Variants in XKR3 observed in about 807,000 individuals in gnomAD.
XKR3 encodes XK related 3.
XKR3 carries 27 observed loss-of-function variants against 40.3 expected under a neutral mutation model. The observed-to-expected ratio is 0.67, with a 90% confidence interval of 0.49 to 0.92. The LOEUF (loss-of-function observed/expected upper bound fraction) is 0.92. XKR3 is among the 40% of genes least tolerant of loss of function. The pLI is 0.00. For missense variants in XKR3, 472 were observed against 537.6 expected, an observed-to-expected ratio of 0.88 and a Z score of 1.21; for synonymous variants, 193 against 195.4, an observed-to-expected ratio of 0.99 and a Z score of 0.10.
intron 3 of XKR3, among the ~76,000 whole-genome samples, chr22:16,795,691 G>T (rs1394337204): frequency 6.6e-6 from 1 of 152,180 alleles, no homozygotes; most frequent in South Asian, 2.1e-4. Context: ...AAAAGGCTGC[G>T]TATGATGACT....
chr22:16,798,693 C>A (rs2060153273), intron 3 of XKR3, among the ~76,000 whole-genome samples: 2 of 152,264 alleles, frequency 1.3e-5, no homozygotes, highest in Admixed American at 6.5e-5. Flanking sequence ...ATAAATAAAT[C>A]ATGTCGTTTG....
At chr22:16,789,691 G>A (rs1436120689) in intron 3 of XKR3, among the ~76,000 whole-genome samples, 7 of 151,996 alleles carry the variant, frequency 4.6e-5, no homozygotes, top group South Asian at 2.1e-4. Context: ...ATATGAAACC[G>A]CAGAAAAAAA....
intron 3 of XKR3, among the ~76,000 whole-genome samples, chr22:16,798,938 A>C (rs1451300824): frequency 6.6e-6 from 1 of 152,212 alleles, no homozygotes; most frequent in African/African-American, 2.4e-5. Context: ...TCCATACTCC[A>C]AACCTCAGTA....
intron 3 of XKR3, among the ~76,000 whole-genome samples, chr22:16,798,703 G>C (rs1029944587): frequency 3.3e-5 from 5 of 152,158 alleles, no homozygotes; most frequent in Non-Finnish European, 5.9e-5. Context: ...CATGTCGTTT[G>C]CATCAACATA....
intron 3 of XKR3, among the ~76,000 whole-genome samples, chr22:16,791,778 G>GGAGAGAGAGAGAGAGA (rs763159994): frequency 1.6e-5 from 2 of 123,182 alleles, no homozygotes; most frequent in African/African-American, 3.1e-5. Flanking sequence ...GGAGAGAGAG[G>GGAGAGAGAGAGAGAGA]GAGAGAGAGA....
intron 2 of XKR3, among the ~76,000 whole-genome samples, chr22:16,802,368 CA>C (rs769008415): frequency 4.0e-5 from 6 of 151,318 alleles, no homozygotes; most frequent in Non-Finnish European, 7.4e-5. Flanking sequence ...GTCTTAGCTT[CA>C]AAAAGGAAAA....
Position 16,784,200 on chromosome 22 carries a change from C to A in XKR3, c.799G>T (p.Val267Phe). The A allele has an allele frequency of 6.2e-7, 1 of 1,614,164 alleles. No homozygotes were observed. Among genetic ancestry groups the A allele is most frequent in the Non-Finnish European group, 8.5e-7 (1 of 1,180,020 alleles). Residue 267 changes from valine to phenylalanine, a missense_variant, in exon 4 of 4, where the codon GTT (valine) becomes TTT (phenylalanine). Physicochemically the swap from Val to Phe is conservative, Grantham distance 50 (BLOSUM62 -1). Transcript: ENST00000684488. ...IASLKLKSLPVLLIIYFVSLL... is the reference protein window; with the variant it reads ...IASLKLKSLPFLLIIYFVSLL... Reference sequence around the variant, plus strand: ...GATACAAAATATATGATTAACAAAACGGGTAGGCTCTTCAGTTTCAGAGAT... The same window carrying A: ...GATACAAAATATATGATTAACAAAAAGGGTAGGCTCTTCAGTTTCAGAGAT...
Position 16,807,871 on chromosome 22 carries a change from G to T in XKR3, c.203C>A (p.Ser68Ter). ...YRKANDTFWM[S>*]FTISFIIVGA... Reference sequence around the variant, plus strand: ...CACAATAATAAAGCTGATGGTAAATGACATCCAGAATGTGTCATTAGCTTT... The same window carrying T: ...CACAATAATAAAGCTGATGGTAAATTACATCCAGAATGTGTCATTAGCTTT... Residue 68 changes from serine to a stop codon, truncating the protein, a stop_gained, in exon 2 of 4, where the codon TCA becomes TAA. Coordinates refer to ENST00000684488, the MANE Select transcript of XKR3 (RefSeq NM_001386955.1). LOFTEE classifies it high-confidence loss of function. The T allele has an allele frequency of 6.2e-7, 1 of 1,614,022 alleles. No individual in the cohort carries two copies. Among genetic ancestry groups the T allele is most frequent in the South Asian group, 1.1e-5 (1 of 91,064 alleles).
chr22:16,789,925 G>A (rs1328883603), intron 3 of XKR3, among the ~76,000 whole-genome samples: 1 of 152,124 alleles, frequency 6.6e-6, no homozygotes, highest in East Asian at 1.9e-4. Context: ...AGAGCTACAT[G>A]CAGAAAAACA....
intron 3 of XKR3, among the ~76,000 whole-genome samples, chr22:16,792,028 G>A (rs1300613722): frequency 1.1e-4 from 16 of 151,858 alleles, no homozygotes; most frequent in African/African-American, 2.9e-4. Context: ...TGCATCCTCC[G>A]TCTGCTGGGT....
intron 3 of XKR3, among the ~76,000 whole-genome samples, chr22:16,796,783 C>A (rs1433988683): frequency 2.0e-5 from 3 of 152,186 alleles, no homozygotes; most frequent in African/African-American, 7.2e-5. Context: ...AAACTGCCAA[C>A]GTCATTCTTC....
intron 1 of XKR3, among the ~76,000 whole-genome samples, chr22:16,817,283 C>T (rs979371452): frequency 5.9e-5 from 9 of 152,076 alleles, no homozygotes; most frequent in Admixed American, 1.3e-4. Context: ...TCTTTAAATT[C>T]AACTTTTTAT....
intron 1 of XKR3, among the ~76,000 whole-genome samples, chr22:16,808,492 A>C (rs1036994647): frequency 2.6e-5 from 4 of 152,212 alleles, no homozygotes; most frequent in African/African-American, 9.6e-5. Context: ...AACCATGATG[A>C]CACTAAGAAA....
At chr22:16,806,045 G>A (rs1181571257) in intron 2 of XKR3, among the ~76,000 whole-genome samples, 1 of 152,118 alleles carries the variant, frequency 6.6e-6, no homozygotes, top group Non-Finnish European at 1.5e-5. Flanking sequence ...CCTCACTAGA[G>A]GTCAGGAGTT....
At chr22:16,819,708 G>A (rs553062971) in intron 1 of XKR3, among the ~76,000 whole-genome samples, 4 of 152,164 alleles carry the variant, frequency 2.6e-5, no homozygotes, top group Non-Finnish European at 5.9e-5. Flanking sequence ...GCGTGGCAAA[G>A]AGTTATTGGA....
intron 2 of XKR3, among the ~76,000 whole-genome samples, chr22:16,805,549 A>G (rs2060186265): frequency 6.6e-6 from 1 of 152,168 alleles, no homozygotes; most frequent in Admixed American, 6.5e-5. Context: ...CATTGCCTTT[A>G]TTGTTGTTAT....
chr22:16,806,969 G>T (rs2060192161), intron 2 of XKR3, among the ~76,000 whole-genome samples: 5 of 152,150 alleles, frequency 3.3e-5, no homozygotes, highest in South Asian at 2.1e-4. Flanking sequence ...TTCTTTCAAA[G>T]CACGTTAGTC....
chr22:16,820,858 C>T (rs2060252577), intron 1 of XKR3, among the ~76,000 whole-genome samples: 1 of 152,156 alleles, frequency 6.6e-6, no homozygotes. Flanking sequence ...GCAAACCTAA[C>T]AGATGCTAGA....
chr22:16,787,433 G>A (rs1341354928), intron 3 of XKR3, among the ~76,000 whole-genome samples: 2 of 151,744 alleles, frequency 1.3e-5, no homozygotes, highest in Admixed American at 6.6e-5. Flanking sequence ...GTTGGTGGAC[G>A]CCTGTAATCC....
Sources: allele counts gnomAD v4.1 joint callset (sites outside exome capture counted in the v4.1 genomes callset), GRCh38; gene constraint gnomAD v4.1.1; transcripts MANE v1.5; gene names NCBI Gene and HGNC (gene_info 2026-07-23, HGNC 2026-07-21).